The following CBFA2T2 variants were observed in gnomAD, a reference collection of about 807,000 sequenced individuals.
The protein encoded by CBFA2T2 is CBFA2/RUNX1 partner transcriptional co-repressor 2.
A neutral mutation model predicts 62.2 loss-of-function variants in CBFA2T2; 11 were observed. The observed-to-expected ratio is 0.18, with a 90% confidence interval of 0.11 to 0.29. CBFA2T2 has a LOEUF of 0.29. Ranked by LOEUF, CBFA2T2 falls within the 10% of genes least tolerant of loss-of-function variation. CBFA2T2 has a pLI of 1.00. For synonymous variants in CBFA2T2, 295 were observed against 287.5 expected (o/e 1.03, Z -0.27); for missense variants, 592 against 774.1 (o/e 0.76, Z 2.79).
chr20:33,624,336 T>TA (rs11419778), intron 5 of CBFA2T2, among the ~76,000 whole-genome samples: 9,300 of 143,740 alleles, frequency 0.065, 738 homozygotes, highest in African/African-American at 0.16. Context: ...TGACTGGCTT[T>TA]AAAAAAAAAA....
At chr20:33,507,879 A>G (rs933587885) in intron 1 of CBFA2T2, among the ~76,000 whole-genome samples, 3 of 152,178 alleles carry the variant, frequency 2.0e-5, no homozygotes, top group Admixed American at 1.3e-4. Context: ...AGATGTTGCC[A>G]GAATACCCTC....
chr20:33,550,512 A>G (rs1044576408), intron 1 of CBFA2T2, among the ~76,000 whole-genome samples: 15 of 152,256 alleles, frequency 9.9e-5, no homozygotes, highest in African/African-American at 3.4e-4. Context: ...ACAAATAAGC[A>G]TTAAACATGT....
At chr20:33,599,657 T>C (rs1004478206) in intron 1 of CBFA2T2, among the ~76,000 whole-genome samples, 2 of 151,958 alleles carry the variant, frequency 1.3e-5, no homozygotes, top group African/African-American at 2.4e-5. Flanking sequence ...GGCATGATCT[T>C]GGCTCACCGC....
At chr20:33,499,595 A>G (rs142428204) in intron 1 of CBFA2T2, among the ~76,000 whole-genome samples, 1 of 152,294 alleles carries the variant, frequency 6.6e-6, no homozygotes, top group Non-Finnish European at 1.5e-5. Flanking sequence ...GAGTTGGGGT[A>G]CCATAACTTG....
In CBFA2T2 at chr20:33,594,075, A is replaced by C. The variant is rs111581273; in HGVS notation, c.35-12881A>C. The stretch of plus-strand genomic sequence containing the variant: ...GTGATGAATGGACTGAAGGGGTTAA[A>C]AGCAGAAGCAGAAAGAATAGTTAGG... On this transcript the variant is annotated intron_variant, in intron 1 of 10. Transcript: ENST00000342704. Among the ~76,000 whole-genome samples the C allele has an allele frequency of 2.1e-3, 320 of 152,344 alleles. 1 individual carries two copies. Among genetic ancestry groups the C allele is most frequent in the African/African-American group, 7.4e-3 (308 of 41,582 alleles).
At chr20:33,519,154 C>T (rs911037149) in intron 1 of CBFA2T2, among the ~76,000 whole-genome samples, 14 of 151,910 alleles carry the variant, frequency 9.2e-5, no homozygotes, top group Middle Eastern at 6.3e-3. Context: ...AACCATGGAT[C>T]GCAACTATTC....
At chr20:33,495,680 G>C (rs942731891) in intron 1 of CBFA2T2, among the ~76,000 whole-genome samples, 1 of 152,122 alleles carries the variant, frequency 6.6e-6, no homozygotes, top group Non-Finnish European at 1.5e-5. Flanking sequence ...AACACAGCAA[G>C]ACTCTGTCTC....
At chr20:33,574,793 C>G (rs1049333970) in intron 1 of CBFA2T2, among the ~76,000 whole-genome samples, 7 of 152,044 alleles carry the variant, frequency 4.6e-5, no homozygotes, top group Non-Finnish European at 7.3e-5. Flanking sequence ...AAGGTCTAAG[C>G]TTTGTCTCTT....
chr20:33,603,726 C>G (rs1047559392), intron 1 of CBFA2T2, among the ~76,000 whole-genome samples: 32 of 152,228 alleles, frequency 2.1e-4, no homozygotes, highest in African/African-American at 7.2e-4. Flanking sequence ...TTCTTCAACT[C>G]TATTTAAGGT....
chr20:33,623,961 AAAAAAAAG>A (rs1275053246), intron 5 of CBFA2T2: 1 of 602,264 alleles, frequency 1.7e-6, no homozygotes, highest in African/African-American at 1.9e-5. Context: ...TTGGAAAAAA[AAAAAAAAG>A]AAAAGAAAAG....
chr20:33,627,257 C>T (rs974502752), intron 6 of CBFA2T2, among the ~76,000 whole-genome samples: 2 of 151,866 alleles, frequency 1.3e-5, no homozygotes, highest in South Asian at 2.1e-4. Flanking sequence ...ATTAGCTGGG[C>T]GTGGTTACAG....
chr20:33,613,159 A>G (rs2122304060), intron 3 of CBFA2T2, among the ~76,000 whole-genome samples: 1 of 152,326 alleles, frequency 6.6e-6, no homozygotes, highest in Admixed American at 6.5e-5. Context: ...CTTTTTCATC[A>G]TTTGTGAGGT....
chr20:33,498,467 G>C (rs1462666039), intron 1 of CBFA2T2, among the ~76,000 whole-genome samples: 2 of 151,746 alleles, frequency 1.3e-5, no homozygotes, highest in African/African-American at 4.8e-5. Context: ...TGGCCAGGCT[G>C]GTCTCGAACT....
At chr20:33,548,788 T>C (rs1389288635) in intron 1 of CBFA2T2, among the ~76,000 whole-genome samples, 1 of 152,118 alleles carries the variant, frequency 6.6e-6, no homozygotes, top group Admixed American at 6.5e-5. Flanking sequence ...AAACCCTGTG[T>C]CTACCCTTCC....
At chr20:33,620,537 A>T (rs1461814211) in intron 4 of CBFA2T2, among the ~76,000 whole-genome samples, 2 of 151,946 alleles carry the variant, frequency 1.3e-5, no homozygotes, top group South Asian at 4.2e-4. Flanking sequence ...AAAAAAAGAA[A>T]TATTTAAGAG....
chr20:33,524,800 T>G (rs1386861583), intron 1 of CBFA2T2, among the ~76,000 whole-genome samples: 2 of 152,160 alleles, frequency 1.3e-5, no homozygotes, highest in African/African-American at 4.8e-5. Flanking sequence ...TGTATATATG[T>G]ATGACTGCTA....
At chr20:33,552,484 G>C (rs1247104253) in intron 1 of CBFA2T2, among the ~76,000 whole-genome samples, 2 of 151,520 alleles carry the variant, frequency 1.3e-5, no homozygotes, top group Non-Finnish European at 3.0e-5. Context: ...GGGGAAATCA[G>C]TGTCTCTTGA....
chr20:33,642,381 C>T (rs2016891057), intron 10 of CBFA2T2, among the ~76,000 whole-genome samples: 1 of 152,060 alleles, frequency 6.6e-6, no homozygotes, highest in African/African-American at 2.4e-5. Context: ...GTAGTGTGAA[C>T]ACTTGAGCTC....
intron 1 of CBFA2T2, among the ~76,000 whole-genome samples, chr20:33,591,010 A>G (rs1406154091): frequency 6.6e-6 from 1 of 151,600 alleles, no homozygotes; most frequent in Non-Finnish European, 1.5e-5. Flanking sequence ...CCCCATCTCT[A>G]CTAAAAAGAA....
Sources: gnomAD v4.1 joint callset for allele counts (sites outside exome capture counted in the v4.1 genomes callset) on GRCh38, gnomAD v4.1.1 for gene constraint, MANE v1.5 for transcripts, NCBI Gene and HGNC (gene_info 2026-07-23, HGNC 2026-07-21) for gene names.